The following LUZP2 variants were observed in gnomAD, a reference collection of about 807,000 sequenced individuals.
LUZP2 encodes leucine zipper protein 2.
LUZP2 carries 52 observed loss-of-function variants against 51.6 expected under a neutral mutation model. The observed-to-expected ratio is 1.01, with a 90% confidence interval of 0.81 to 1.27. LUZP2 has a LOEUF of 1.27. Ranked by LOEUF, LUZP2 falls within the 50% of genes most tolerant of loss-of-function variation. The pLI is 0.00. For missense variants in LUZP2, 436 were observed against 395.4 expected (o/e 1.10, Z -0.87); for synonymous variants, 154 against 137.3 (o/e 1.12, Z -0.85).
intron 1 of LUZP2, among the ~76,000 whole-genome samples, chr11:24,541,909 G>GA (rs5790411): frequency 1.3e-3 from 195 of 147,586 alleles, no homozygotes; most frequent in Middle Eastern, 7.0e-3. Context: ...ATTTATATAA[G>GA]AAAAAAAAAA....
At chr11:25,057,421 C>T (rs897153883) in intron 10 of LUZP2, among the ~76,000 whole-genome samples, 1 of 151,998 alleles carries the variant, frequency 6.6e-6, no homozygotes, top group East Asian at 1.9e-4. Flanking sequence ...TTCTTAGCAG[C>T]ATATTCGACT....
chr11:24,700,556 A>C (rs982279128), intron 1 of LUZP2, among the ~76,000 whole-genome samples: 2 of 150,194 alleles, frequency 1.3e-5, no homozygotes, highest in African/African-American at 4.9e-5. Flanking sequence ...ATAAGAATAT[A>C]TGACCCAGGA....
chr11:24,707,750 G>A (rs572676548), intron 1 of LUZP2, among the ~76,000 whole-genome samples: 83 of 152,144 alleles, frequency 5.5e-4, no homozygotes, highest in African/African-American at 1.9e-3. Flanking sequence ...CATTGGTAAG[G>A]GTTGTTATAT....
At chr11:25,011,081 A>G (rs1856971464) in intron 9 of LUZP2, among the ~76,000 whole-genome samples, 1 of 152,094 alleles carries the variant, frequency 6.6e-6, no homozygotes, top group African/African-American at 2.4e-5. Flanking sequence ...ATCATAGTTA[A>G]TGGGTTAATT....
At chr11:25,006,155 G>A (rs1308918460) in intron 9 of LUZP2, among the ~76,000 whole-genome samples, 1 of 152,072 alleles carries the variant, frequency 6.6e-6, no homozygotes, top group African/African-American at 2.4e-5. Flanking sequence ...GTGAGCCCGG[G>A]TGCCTAAAGA....
chr11:24,934,100 G>A (rs1854530313), intron 7 of LUZP2, among the ~76,000 whole-genome samples: 1 of 152,170 alleles, frequency 6.6e-6, no homozygotes. Flanking sequence ...CACAAAGTCA[G>A]CTGATCAGTT....
chr11:24,764,997 A>G (rs1003963946), intron 5 of LUZP2, among the ~76,000 whole-genome samples: 2 of 152,242 alleles, frequency 1.3e-5, no homozygotes, highest in Non-Finnish European at 2.9e-5. Flanking sequence ...TATGAGTTTT[A>G]TAATTAAATT....
At chr11:25,076,093 G>T (rs1389664955) in intron 10 of LUZP2, among the ~76,000 whole-genome samples, 1 of 152,020 alleles carries the variant, frequency 6.6e-6, no homozygotes, top group African/African-American at 2.4e-5. Flanking sequence ...GCTCATTGCA[G>T]CCTCAACCTC....
At chr11:24,857,727 C>T (rs11028229) in intron 5 of LUZP2, among the ~76,000 whole-genome samples, 23,604 of 151,472 alleles carry the variant, frequency 0.16, 2,001 homozygotes, top group African/African-American at 0.21. Flanking sequence ...TTCCATTTAG[C>T]AGGTTTTTTA....
intron 1 of LUZP2, among the ~76,000 whole-genome samples, chr11:24,580,260 T>A (rs1254517850): frequency 2.0e-5 from 3 of 152,164 alleles, no homozygotes; most frequent in Non-Finnish European, 4.4e-5. Flanking sequence ...TTTTATTACA[T>A]TCTGGTGCTG....
At position 24,732,122 on chromosome 11, in the gene LUZP2, TA is replaced by T; in HGVS notation, c.191del (p.Asn64ThrfsTer16). 1.9e-6 allele frequency: 3 copies of T among 1,607,342 alleles called. No homozygotes were observed. Among genetic ancestry groups the T allele is most frequent in the Admixed American group, 1.7e-5 (1 of 59,456 alleles). On this transcript the variant is annotated frameshift_variant, in exon 3 of 12. Coordinates refer to ENST00000336930, the MANE Select transcript of LUZP2 (RefSeq NM_001009909.4). LOFTEE classifies it high-confidence loss of function. ...TTTTTCCACTTTTCTTATCAGTCCT[TA>T]AAAAACGATGAGCAGTCTGCCAAAA... ...LDGIKVNLQS[L>X]KNDEQSAKTD...
At chr11:24,591,744 AAACACCATTC>A (rs1565012544) in intron 1 of LUZP2, among the ~76,000 whole-genome samples, 3 of 152,214 alleles carry the variant, frequency 2.0e-5, no homozygotes, top group Non-Finnish European at 4.4e-5. Flanking sequence ...GATAACATCT[AAACACCATTC>A]TATGAAGTTG....
chr11:24,680,458 G>A (rs1856697180), intron 1 of LUZP2, among the ~76,000 whole-genome samples: 1 of 152,154 alleles, frequency 6.6e-6, no homozygotes, highest in African/African-American at 2.4e-5. Context: ...ACTTCTCAGT[G>A]TCCCAGTGTT....
chr11:24,805,479 T>C (rs1226931475), intron 5 of LUZP2, among the ~76,000 whole-genome samples: 2 of 152,130 alleles, frequency 1.3e-5, no homozygotes, highest in Non-Finnish European at 2.9e-5. Context: ...TCATTGCGCC[T>C]GGCCAGAAGC....
chr11:25,004,016 G>A (rs541025299), intron 9 of LUZP2, among the ~76,000 whole-genome samples: 3 of 152,268 alleles, frequency 2.0e-5, no homozygotes, highest in African/African-American at 4.8e-5. Flanking sequence ...CAGGACAGGA[G>A]ATTAGTACTG....
chr11:24,542,648 T>C (rs181059553), intron 1 of LUZP2, among the ~76,000 whole-genome samples: 38 of 152,136 alleles, frequency 2.5e-4, no homozygotes, highest in African/African-American at 9.1e-4. Flanking sequence ...GGAAAAAGTC[T>C]TTATTTGAGT....
At chr11:24,627,183 T>C (rs1854712921) in intron 1 of LUZP2, among the ~76,000 whole-genome samples, 1 of 152,206 alleles carries the variant, frequency 6.6e-6, no homozygotes, top group South Asian at 2.1e-4. Context: ...AAGATGTTTC[T>C]TTATGGGAAA....
At chr11:24,758,731 A>G (rs1859865196) in intron 4 of LUZP2, among the ~76,000 whole-genome samples, 1 of 152,038 alleles carries the variant, frequency 6.6e-6, no homozygotes, top group African/African-American at 2.4e-5. Context: ...AATCTTATGT[A>G]TTGTCCTTGA....
intron 5 of LUZP2, chr11:24,786,701 A>G (rs147648304): frequency 6.7e-6 from 1 of 148,578 alleles, no homozygotes; most frequent in East Asian, 2.0e-4. Context: ...ATAAATATGT[A>G]TATTATGTAT....
Sources: allele counts gnomAD v4.1 joint callset (sites outside exome capture counted in the v4.1 genomes callset), GRCh38; gene constraint gnomAD v4.1.1; transcripts MANE v1.5; gene names NCBI Gene and HGNC (gene_info 2026-07-23, HGNC 2026-07-21).